Variants in RABGAP1L observed in about 807,000 individuals in gnomAD.
RABGAP1L encodes the protein rab GTPase-activating protein 1-like.
RABGAP1L carries 63 observed loss-of-function variants against 137.7 expected under a neutral mutation model. The observed-to-expected ratio is 0.46, with a 90% CI of 0.37 to 0.56. The LOEUF (loss-of-function observed/expected upper bound fraction) is 0.56, where lower values mean the gene tolerates loss of function less well. Ranked by LOEUF, RABGAP1L falls within the 20% of genes least tolerant of loss-of-function variation. The probability of loss-of-function intolerance (pLI) is 0.00; values close to 1 mark genes in which losing one functional copy is unlikely to be tolerated. For synonymous variants in RABGAP1L, 431 were observed against 433.7 expected (o/e 0.99, Z 0.08); for missense variants, 1,095 against 1,244.0 (o/e 0.88, Z 1.80).
intron 13 of RABGAP1L, among the ~76,000 whole-genome samples, chr1:174,606,129 G>C (rs1670775020): frequency 6.6e-6 from 1 of 152,088 alleles, no homozygotes; most frequent in Non-Finnish European, 1.5e-5. Flanking sequence ...TTCATGCATA[G>C]CTTTTAATAA....
Position 174,517,204 on chromosome 1 carries a change from C to T in RABGAP1L, c.1711-120171C>T, listed in dbSNP as rs1199316161. Among the ~76,000 whole-genome samples, 5 of 151,950 alleles carry T rather than the reference C, an allele frequency of 3.3e-5. 1 individual carries two copies. Among genetic ancestry groups the T allele is most frequent in the Non-Finnish European group, 7.4e-5 (5 of 67,980 alleles). ...ATTATGGGGATGCAATGTAACTTAA[C>T]CATATGTTATTAAAAGTGTTTTTAT... On this transcript the variant is annotated intron_variant, in intron 13 of 25. Coordinates refer to ENST00000681986, the MANE Select transcript of RABGAP1L (RefSeq NM_001366446.1).
chr1:174,681,896 T>C lies in RABGAP1L; in HGVS notation c.1825-1626T>C, dbSNP rs567402571. The stretch of plus-strand genomic sequence containing the variant: ...TCTATTAAATTAAATGGAAATCTCC[T>C]CACTAAAATGAAGTACAACACATAG... On this transcript the variant is annotated intron_variant, in intron 14 of 25. Transcript: ENST00000681986. 2.6e-5 allele frequency among the ~76,000 whole-genome samples: 4 copies of C among 152,318 alleles called. No homozygotes were observed. In the East Asian group the frequency reaches 5.8e-4, roughly 22 times the overall value.
At chr1:174,780,120 T>TAAATA (rs1686859405) in intron 18 of RABGAP1L, among the ~76,000 whole-genome samples, 1 of 140,380 alleles carries the variant, frequency 7.1e-6, no homozygotes, top group African/African-American at 2.6e-5. Flanking sequence ...ATAAATAAAT[T>TAAATA]AAATAAGCCC....
At chr1:174,179,004 AAAAAC>A (rs558384446) in intron 1 of RABGAP1L, among the ~76,000 whole-genome samples, 182 of 152,342 alleles carry the variant, frequency 1.2e-3, no homozygotes, top group Middle Eastern at 6.8e-3. Context: ...TAAAACAAAC[AAAAAC>A]AAAACAAAAC....
intron 13 of RABGAP1L, among the ~76,000 whole-genome samples, chr1:174,556,504 C>T (rs1398836311): frequency 1.3e-5 from 2 of 152,110 alleles, no homozygotes; most frequent in African/African-American, 4.8e-5. Flanking sequence ...TTCCCTCTTC[C>T]CCATCCTGTA....
rs546104924 is a variant in RABGAP1L, at chr1:174,365,308, A to G, written c.1466-5671A>G. 69 of 152,318 alleles carry G rather than the reference A, an allele frequency of 4.5e-4. 1 individual carries two copies. Among genetic ancestry groups the G allele is most frequent in the African/African-American group, 1.6e-3 (66 of 41,560 alleles). The allele number at this position is 152,318 out of a possible 1,614,324, so 9.4% of individuals were successfully genotyped here. ...CTTGCTGCCGTGTTTTAAAGAATGA[A>G]GGTACAGCAGTATGAATTAATCATG... is the stretch of plus-strand genomic sequence containing the variant. On this transcript the variant is annotated intron_variant, in intron 11 of 25. Transcript: ENST00000681986.
intron 18 of RABGAP1L, among the ~76,000 whole-genome samples, chr1:174,807,902 G>T (rs1269184950): frequency 6.6e-6 from 1 of 151,300 alleles, no homozygotes; most frequent in Non-Finnish European, 1.5e-5. Context: ...TTTGAGACCA[G>T]CCTGTGCAAC....
intron 19 of RABGAP1L, among the ~76,000 whole-genome samples, chr1:174,851,664 C>T (rs576970947): frequency 4.6e-5 from 7 of 151,872 alleles, no homozygotes; most frequent in East Asian, 1.9e-4. Context: ...AGACACGCAC[C>T]ACCATGCACA....
At chr1:174,285,242 C>T (rs192219194) in intron 10 of RABGAP1L, among the ~76,000 whole-genome samples, 1 of 152,302 alleles carries the variant, frequency 6.6e-6, no homozygotes, top group African/African-American at 2.4e-5. Flanking sequence ...GTCTCGAACT[C>T]CTGACTTCAG....
chr1:174,820,406 G>A (rs966671058), intron 19 of RABGAP1L, among the ~76,000 whole-genome samples: 7 of 152,080 alleles, frequency 4.6e-5, no homozygotes, highest in African/African-American at 1.2e-4. Context: ...TGACTTAACC[G>A]CCCCACTCAA....
intron 12 of RABGAP1L, among the ~76,000 whole-genome samples, chr1:174,373,501 A>G (rs1685272790): frequency 1.3e-5 from 2 of 152,172 alleles, no homozygotes; most frequent in African/African-American, 4.8e-5. Flanking sequence ...GGATCTCTGA[A>G]GAGGGCTGCA....
At chr1:174,966,028 C>T (rs1397153004) in intron 20 of RABGAP1L, among the ~76,000 whole-genome samples, 1 of 152,222 alleles carries the variant, frequency 6.6e-6, no homozygotes, top group Non-Finnish European at 1.5e-5. Flanking sequence ...ATCCATCAGA[C>T]ATTTATCTCT....
chr1:174,267,009 CCAA>C (rs1414851174), intron 7 of RABGAP1L, among the ~76,000 whole-genome samples: 20 of 152,098 alleles, frequency 1.3e-4, no homozygotes, highest in African/African-American at 4.8e-4. Flanking sequence ...TAAAATCACT[CCAA>C]CATCCTTTAG....
chr1:174,210,239 C>G (rs1177888601), intron 1 of RABGAP1L, among the ~76,000 whole-genome samples: 2 of 152,168 alleles, frequency 1.3e-5, no homozygotes, highest in East Asian at 3.9e-4. Context: ...AAAACATGAC[C>G]TTACCAAAGG....
At chr1:174,683,428 G>T in intron 14 of RABGAP1L, 94 bp from the exon 15 acceptor site, 1 of 965,766 alleles carries the variant, frequency 1.0e-6, no homozygotes, top group South Asian at 1.5e-5. Context: ...TGACAGCCCA[G>T]GGACAGGAAC....
chr1:174,684,537 G>C (rs1486910446), intron 15 of RABGAP1L, among the ~76,000 whole-genome samples: 1 of 152,162 alleles, frequency 6.6e-6, no homozygotes, highest in African/African-American at 2.4e-5. Context: ...AAAAATGCAG[G>C]CTTTATTCTA....
In RABGAP1L at chr1:174,502,705, T is replaced by C. The variant is rs74126816; in HGVS notation, c.1710+108560T>C. Among the ~76,000 whole-genome samples the C allele has an allele frequency of 5.6e-3, 846 of 150,654 alleles. 10 individuals carry two copies. Among genetic ancestry groups the C allele is most frequent in the African/African-American group, 0.02 (810 of 41,106 alleles). ...ATATGTGTGTGTATATATACATATATGTGCATATATATACACACACACACA... is the reference window on the plus strand; with the variant it reads ...ATATGTGTGTGTATATATACATATACGTGCATATATATACACACACACACA... On this transcript the variant is annotated intron_variant, in intron 13 of 25. Coordinates refer to ENST00000681986, the MANE Select transcript of RABGAP1L (RefSeq NM_001366446.1).
intron 13 of RABGAP1L, among the ~76,000 whole-genome samples, chr1:174,590,290 A>AT (rs1669490490): frequency 7.3e-6 from 1 of 137,118 alleles, no homozygotes; most frequent in South Asian, 2.3e-4. Context: ...CTGTAAAGTT[A>AT]TTTTTTAATA....
At chr1:174,754,740 AGTC>A (rs1684595061) in intron 18 of RABGAP1L, among the ~76,000 whole-genome samples, 1 of 152,150 alleles carries the variant, frequency 6.6e-6, no homozygotes, top group African/African-American at 2.4e-5. Flanking sequence ...GGACTCAAGC[AGTC>A]CTCCTGCCTT....
Sources: allele counts gnomAD v4.1 joint callset (sites outside exome capture counted in the v4.1 genomes callset), GRCh38; gene constraint gnomAD v4.1.1; transcripts MANE v1.5; gene names NCBI Gene and HGNC (gene_info 2026-07-23, HGNC 2026-07-21).